Variants in KLHL3 observed in about 807,000 individuals in gnomAD.
KLHL3 encodes kelch like family member 3.
A neutral mutation model predicts 70.5 loss-of-function variants in KLHL3; 19 were observed. The observed-to-expected ratio is 0.27, with a 90% confidence interval of 0.19 to 0.40. The LOEUF is 0.40. KLHL3 is among the 10% of genes least tolerant of loss of function. The pLI is 1.00. For missense variants in KLHL3, 512 were observed against 771.1 expected (o/e 0.66, Z 3.98); for synonymous variants, 258 against 290.3 (o/e 0.89, Z 1.13).
chr5:137,652,580 T>A (rs890396048), intron 8 of KLHL3, among the ~76,000 whole-genome samples: 2 of 152,160 alleles, frequency 1.3e-5, no homozygotes, highest in African/African-American at 4.8e-5. Flanking sequence ...ACAAATAACA[T>A]ACAATCTCAC....
At chr5:137,622,733 T>C (rs575048205) in intron 14 of KLHL3, among the ~76,000 whole-genome samples, 1 of 152,338 alleles carries the variant, frequency 6.6e-6, no homozygotes, top group Admixed American at 6.5e-5. Context: ...ACATGTATGC[T>C]ATGTTACTGT....
intron 14 of KLHL3, 99 bp downstream of exon 14, chr5:137,625,654 A>G (rs1750439705): frequency 1.4e-6 from 2 of 1,429,890 alleles, no homozygotes; most frequent in Non-Finnish European, 1.9e-6. Flanking sequence ...GCCCAAGTTA[A>G]GCAAGCTCAC....
At chr5:137,665,753 A>C (rs549703722) in intron 6 of KLHL3, among the ~76,000 whole-genome samples, 15 of 152,234 alleles carry the variant, frequency 9.9e-5, no homozygotes, top group Admixed American at 8.5e-4. Flanking sequence ...TTTTTTGTGC[A>C]AATATGTTAA....
At chr5:137,631,151 C>A (rs1039837776) in intron 12 of KLHL3, among the ~76,000 whole-genome samples, 5 of 150,258 alleles carry the variant, frequency 3.3e-5, no homozygotes, top group African/African-American at 4.9e-5. Context: ...TCAGAAGTCA[C>A]ACAGTCTTCC....
intron 3 of KLHL3, 64 bp from the exon 4 acceptor site, chr5:137,698,472 A>G: frequency 6.3e-7 from 1 of 1,590,998 alleles, no homozygotes. Context: ...TACCTTCCAG[A>G]TGGTCTCCTG....
At chr5:137,681,185 A>C (rs1752016677) in intron 5 of KLHL3, among the ~76,000 whole-genome samples, 1 of 152,202 alleles carries the variant, frequency 6.6e-6, no homozygotes, top group Admixed American at 6.5e-5. Flanking sequence ...TGGAAATAAT[A>C]ATAGTACATA....
At chr5:137,663,994 C>T (rs1047220107) in intron 6 of KLHL3, among the ~76,000 whole-genome samples, 32 of 152,146 alleles carry the variant, frequency 2.1e-4, no homozygotes, top group African/African-American at 7.7e-4. Flanking sequence ...TGTGTCAAAA[C>T]TAACCAAATT....
chr5:137,641,413 C>T (rs967895144), intron 8 of KLHL3, among the ~76,000 whole-genome samples: 41 of 152,294 alleles, frequency 2.7e-4, no homozygotes, highest in African/African-American at 7.9e-4. Flanking sequence ...TAACAAGTTC[C>T]CAGGTGCTGC....
At chr5:137,678,690 C>A (rs1195192637) in intron 5 of KLHL3, among the ~76,000 whole-genome samples, 1 of 152,158 alleles carries the variant, frequency 6.6e-6, no homozygotes, top group Non-Finnish European at 1.5e-5. Context: ...TCATTTTTAA[C>A]TTTTTATATT....
intron 5 of KLHL3, among the ~76,000 whole-genome samples, chr5:137,681,205 G>A (rs1157404962): frequency 6.6e-6 from 1 of 152,084 alleles, no homozygotes; most frequent in Non-Finnish European, 1.5e-5. Flanking sequence ...AAGGTGATAT[G>A]GGCATTAAAT....
chr5:137,636,185 T>C (rs553745096), intron 11 of KLHL3, among the ~76,000 whole-genome samples: 139 of 152,310 alleles, frequency 9.1e-4, no homozygotes, highest in Non-Finnish European at 1.5e-3. Context: ...GTTAGAATAG[T>C]ACACCTTTAA....
chr5:137,640,735 C>CT (rs1554090796), intron 8 of KLHL3, among the ~76,000 whole-genome samples: 1 of 151,798 alleles, frequency 6.6e-6, no homozygotes, highest in Middle Eastern at 3.4e-3. Flanking sequence ...GGCCAGCCAC[C>CT]CCCCCCAACT....
In KLHL3 at chr5:137,621,956, A is replaced by G; in HGVS notation, c.*142T>C. On this transcript the variant is annotated 3_prime_UTR_variant, in exon 15 of 15. Transcript: ENST00000309755. ...TGTCCACACTGCGATGAACAACACCAGTCTGCCAAGTCAGAGGAGAGCGGT... is the reference window on the plus strand; with the variant it reads ...TGTCCACACTGCGATGAACAACACCGGTCTGCCAAGTCAGAGGAGAGCGGT... 1 of 856,526 alleles carries G rather than the reference A, an allele frequency of 1.2e-6. No individual in the cohort carries two copies. Among genetic ancestry groups the G allele is most frequent in the Non-Finnish European group, 2.0e-6 (1 of 504,330 alleles). 53.1% of individuals were successfully genotyped at this position (856,526 alleles called of 1,614,324 possible).
Position 137,619,707 on chromosome 5 carries a change from T to C in KLHL3, c.*2391A>G, listed in dbSNP as rs1756340696. ...TCTGGTCCCCGTGAAAAAGGATACA[T>C]GAGGATGGAGTGCACATGGCCTTGG... On this transcript the variant is annotated 3_prime_UTR_variant, in exon 15 of 15. Transcript: ENST00000309755. 6.5e-6 allele frequency: 1 copy of C among 152,672 alleles called. No individual in the cohort carries two copies. Among genetic ancestry groups the C allele is most frequent in the East Asian group, 1.9e-4 (1 of 5,194 alleles). 9.5% of individuals were successfully genotyped at this position (152,672 alleles called of 1,614,324 possible).
chr5:137,686,756 G>A (rs1287719356), intron 5 of KLHL3, among the ~76,000 whole-genome samples: 1 of 152,212 alleles, frequency 6.6e-6, no homozygotes, highest in Non-Finnish European at 1.5e-5. Context: ...TGGGTTCAAG[G>A]GAGTAAGCAT....
chr5:137,628,816 A>C (rs1191291106), intron 12 of KLHL3: 2 of 157,354 alleles, frequency 1.3e-5, no homozygotes, highest in Non-Finnish European at 2.8e-5. Context: ...GACAAAAAAT[A>C]CTGAAATAAA....
intron 6 of KLHL3, chr5:137,677,298 A>G (rs1211820801): frequency 6.4e-6 from 2 of 310,464 alleles, no homozygotes; most frequent in Non-Finnish European, 1.2e-5. Context: ...AATACAAAAA[A>G]TTAGCTGGGC....
At chr5:137,660,431 G>C (rs905414399) in intron 7 of KLHL3, among the ~76,000 whole-genome samples, 8 of 152,120 alleles carry the variant, frequency 5.3e-5, no homozygotes, top group African/African-American at 1.9e-4. Context: ...ACAGGACAGT[G>C]GGAGGTTTGA....
At chr5:137,659,969 G>A (rs756820529) in intron 7 of KLHL3, among the ~76,000 whole-genome samples, 7 of 152,084 alleles carry the variant, frequency 4.6e-5, no homozygotes, top group Non-Finnish European at 7.4e-5. Flanking sequence ...CAGTGTTGGT[G>A]GAGGTCTGCC....
Sources: allele counts gnomAD v4.1 joint callset (sites outside exome capture counted in the v4.1 genomes callset), GRCh38; gene constraint gnomAD v4.1.1; transcripts MANE v1.5; gene names NCBI Gene and HGNC (gene_info 2026-07-23, HGNC 2026-07-21).